Variants in NECTIN3 observed in about 807,000 individuals in gnomAD.
NECTIN3 encodes nectin cell adhesion molecule 3.
A neutral mutation model predicts 49.4 loss-of-function variants in NECTIN3; 8 were observed. The observed-to-expected ratio is 0.16, with a 90% CI of 0.10 to 0.29. NECTIN3 has a LOEUF of 0.29. NECTIN3 is among the 10% of genes least tolerant of loss of function. The pLI is 1.00. For synonymous variants in NECTIN3, 277 were observed against 241.1 expected (o/e 1.15, Z -1.38); for missense variants, 581 against 654.6 (o/e 0.89, Z 1.23).
At chr3:111,108,941 C>A (rs1380900010) in intron 1 of NECTIN3, among the ~76,000 whole-genome samples, 2 of 152,108 alleles carry the variant, frequency 1.3e-5, no homozygotes, top group African/African-American at 2.4e-5. Context: ...ACATCCAAAC[C>A]ATTGCAGGCT....
intron 1 of NECTIN3, among the ~76,000 whole-genome samples, chr3:111,094,924 A>G (rs1389256476): frequency 6.6e-6 from 1 of 152,226 alleles, no homozygotes; most frequent in East Asian, 1.9e-4. Context: ...AAGTTCACCA[A>G]TGCCAGTTAA....
intron 1 of NECTIN3, chr3:111,193,416 T>A: frequency 1.3e-6 from 2 of 1,514,138 alleles, no homozygotes; most frequent in Non-Finnish European, 8.8e-7. Context: ...TAACAAATGT[T>A]TATTCTTAGA....
At chr3:111,077,042 C>A (rs1576063370) in intron 1 of NECTIN3, 1 of 166,342 alleles carries the variant, frequency 6.0e-6, no homozygotes. Context: ...AAAAGAGTTA[C>A]TAATTATAAT....
At chr3:111,072,229 G>A (rs1318024887) in intron 1 of NECTIN3, 52 bp downstream of exon 1, 2 of 1,499,046 alleles carry the variant, frequency 1.3e-6, no homozygotes, top group Middle Eastern at 2.0e-4. Flanking sequence ...CACTGAGGGT[G>A]CGGGCGCCGC....
chr3:111,109,383 G>A (rs2033358542), intron 1 of NECTIN3, among the ~76,000 whole-genome samples: 2 of 151,998 alleles, frequency 1.3e-5, no homozygotes, highest in Non-Finnish European at 2.9e-5. Flanking sequence ...TTCTTTCTTT[G>A]GTCCTCAGTA....
chr3:111,130,711 A>T lies in NECTIN3; in HGVS notation c.1070-2924A>T, dbSNP rs79211552. Among the ~76,000 whole-genome samples, 914 of 152,164 alleles carry T rather than the reference A, an allele frequency of 6.0e-3. 23 individuals carry two copies. The highest frequency in any genetic ancestry group is 0.026 in the East Asian group (136 of 5,168). ...CATTGATAAATGTAAGATTTTGGAT[A>T]ACAGGTTTTTGATTTAGGATTGCAA... On this transcript the variant is annotated intron_variant, in intron 5 of 5. Coordinates refer to ENST00000485303, the MANE Select transcript of NECTIN3 (RefSeq NM_015480.3).
At chr3:111,130,273 T>C (rs1273644459) in intron 5 of NECTIN3, among the ~76,000 whole-genome samples, 4 of 151,786 alleles carry the variant, frequency 2.6e-5, no homozygotes, top group Non-Finnish European at 5.9e-5. Context: ...TTTTTTTTTT[T>C]TTGGTAATCA....
chr3:111,188,891 C>T (rs941653762), upstream of NECTIN3, among the ~76,000 whole-genome samples: 3 of 152,148 alleles, frequency 2.0e-5, no homozygotes, highest in Non-Finnish European at 4.4e-5. Context: ...AACAGCACAT[C>T]TTCCAACCAA....
chr3:111,146,621 A>G (rs2034883137), intron 6 of NECTIN3, among the ~76,000 whole-genome samples: 1 of 152,146 alleles, frequency 6.6e-6, no homozygotes, highest in Non-Finnish European at 1.5e-5. Context: ...ATTAGACCAC[A>G]GAGAATTTAT....
chr3:111,153,267 A>T (rs1030876728), intron 7 of NECTIN3, among the ~76,000 whole-genome samples: 12 of 151,964 alleles, frequency 7.9e-5, no homozygotes, highest in Non-Finnish European at 1.6e-4. Flanking sequence ...GGTGGAAAAA[A>T]AATTTTGTGA....
intron 4 of NECTIN3, among the ~76,000 whole-genome samples, chr3:111,124,474 G>A (rs1365622420): frequency 2.0e-5 from 3 of 152,206 alleles, no homozygotes; most frequent in Non-Finnish European, 2.9e-5. Flanking sequence ...AAGTACAAAG[G>A]TAATTGTTAA....
chr3:111,103,486 G>C (rs1264506653), intron 1 of NECTIN3, among the ~76,000 whole-genome samples: 2 of 148,362 alleles, frequency 1.3e-5, no homozygotes, highest in Admixed American at 6.7e-5. Context: ...TTTGTATTCT[G>C]TAACCTTGCT....
At chr3:111,165,030 T>G (rs1576173424) in intron 7 of NECTIN3, among the ~76,000 whole-genome samples, 1 of 152,080 alleles carries the variant, frequency 6.6e-6, no homozygotes, top group African/African-American at 2.4e-5. Context: ...AGATGTTTTT[T>G]ATTTTTTTAT....
intron 7 of NECTIN3, among the ~76,000 whole-genome samples, chr3:111,164,422 C>T (rs893322574): frequency 1.3e-5 from 2 of 152,196 alleles, no homozygotes; most frequent in African/African-American, 4.8e-5. Flanking sequence ...TTTCTTTCCT[C>T]ATATTACTAC....
intron 1 of NECTIN3, among the ~76,000 whole-genome samples, chr3:111,109,513 G>GT (rs981518508): frequency 1.2e-4 from 18 of 150,788 alleles, no homozygotes; most frequent in Admixed American, 2.0e-4. Flanking sequence ...TCCATCTAGG[G>GT]TTTTTTTTTC....
chr3:111,179,801 A>G (rs921559069), intron 7 of NECTIN3, among the ~76,000 whole-genome samples: 1 of 151,832 alleles, frequency 6.6e-6, no homozygotes, highest in African/African-American at 2.4e-5. Context: ...GCTGAGGCAG[A>G]AGAATGGTGT....
upstream of NECTIN3, among the ~76,000 whole-genome samples, chr3:111,188,799 A>C (rs966539072): frequency 1.3e-5 from 2 of 152,242 alleles, no homozygotes; most frequent in South Asian, 4.1e-4. Context: ...TTCTTAACCC[A>C]GGGTGTTCAG....
chr3:111,072,766 G>A, intron 1 of NECTIN3: 1 of 556,480 alleles, frequency 1.8e-6, no homozygotes, highest in South Asian at 2.1e-5. Context: ...ATTGACCCTC[G>A]TCCCTGCCCT....
At chr3:111,103,051 A>G (rs2032996452) in intron 1 of NECTIN3, among the ~76,000 whole-genome samples, 1 of 152,122 alleles carries the variant, frequency 6.6e-6, no homozygotes, top group African/African-American at 2.4e-5. Context: ...GATCACAGTA[A>G]CTTTATGTTA....
Sources: gnomAD v4.1 joint callset for allele counts (sites outside exome capture counted in the v4.1 genomes callset) on GRCh38, gnomAD v4.1.1 for gene constraint, MANE v1.5 for transcripts, NCBI Gene and HGNC (gene_info 2026-07-23, HGNC 2026-07-21) for gene names.